Variants in HEATR3 observed in about 807,000 individuals in gnomAD.
The protein encoded by HEATR3 is HEAT repeat containing 3.
A neutral mutation model predicts 72.8 loss-of-function variants in HEATR3; 56 were observed. The observed-to-expected ratio is 0.77, with a 90% CI of 0.62 to 0.96. The LOEUF is 0.96. HEATR3 is among the 40% of genes least tolerant of loss of function. The pLI is 0.00. For missense variants in HEATR3, 747 were observed against 831.4 expected (o/e 0.90, Z 1.25); for synonymous variants, 331 against 318.1 (o/e 1.04, Z -0.43).
At chr16:50,089,192 A>G (rs1015317223) in intron 11 of HEATR3, among the ~76,000 whole-genome samples, 3 of 152,058 alleles carry the variant, frequency 2.0e-5, no homozygotes, top group Non-Finnish European at 4.4e-5. Flanking sequence ...ATAAATTCCC[A>G]TTTCATGTCT....
chr16:50,085,179 G>A (rs1327969692), intron 10 of HEATR3, among the ~76,000 whole-genome samples: 1 of 152,046 alleles, frequency 6.6e-6, no homozygotes, highest in Non-Finnish European at 1.5e-5. Context: ...TGTCAGGGAG[G>A]TGGGATATTA....
At chr16:50,077,956 A>C (rs1339176734) in intron 6 of HEATR3, among the ~76,000 whole-genome samples, 1 of 139,346 alleles carries the variant, frequency 7.2e-6, no homozygotes, top group East Asian at 2.1e-4. Context: ...GGCTCACTGC[A>C]ACCTCTGCCT....
intron 12 of HEATR3, among the ~76,000 whole-genome samples, chr16:50,095,353 C>T (rs1479976602): frequency 2.0e-5 from 3 of 151,432 alleles, no homozygotes; most frequent in Admixed American, 6.6e-5. Context: ...GTGATCCACC[C>T]ACCTTGGCCT....
At chr16:50,104,827 T>TA (rs1399990611) in intron 14 of HEATR3, 112 bp from the exon 15 acceptor site, 2 of 963,290 alleles carry the variant, frequency 2.1e-6, no homozygotes, top group South Asian at 2.0e-5. Context: ...TCCAAATTCT[T>TA]ACAGCTATCT....
At chr16:50,099,490 A>C (rs1316561554) in intron 12 of HEATR3, among the ~76,000 whole-genome samples, 3 of 152,148 alleles carry the variant, frequency 2.0e-5, no homozygotes, top group Non-Finnish European at 4.4e-5. Flanking sequence ...ACGAGTGATA[A>C]GTAGTGAAGC....
Position 50,083,963 on chromosome 16 carries a change from T to C in HEATR3, c.1068T>C (p.Thr356=). Residue 356 remains threonine, a synonymous_variant, in exon 8 of 15, where the codon ACT becomes ACC. Coordinates refer to ENST00000299192, the MANE Select transcript of HEATR3 (RefSeq NM_182922.4). ...CCACTGACAAGGAACTGAGAGAGAC[T>C]ATAGCATTGCTGACAGCCCAACAGA... ...LPPTDKELRE[T]IALLTAQQTA... The C allele has an allele frequency of 6.2e-7, 1 of 1,611,268 alleles. No individual in the cohort carries two copies. The highest frequency in any genetic ancestry group is 8.5e-7 in the Non-Finnish European group (1 of 1,178,292).
chr16:50,091,264 C>G (rs1357483958), intron 11 of HEATR3, among the ~76,000 whole-genome samples: 2 of 151,874 alleles, frequency 1.3e-5, no homozygotes, highest in Non-Finnish European at 2.9e-5. Flanking sequence ...GTCAGGAGTT[C>G]AAGACCAGCC....
intron 4 of HEATR3, among the ~76,000 whole-genome samples, chr16:50,071,442 A>G (rs1043974379): frequency 1.1e-4 from 16 of 152,238 alleles, no homozygotes; most frequent in African/African-American, 3.6e-4. Context: ...TTTTCTGTGC[A>G]CCAGATAACT....
intron 12 of HEATR3, among the ~76,000 whole-genome samples, chr16:50,096,863 T>C (rs997952490): frequency 2.0e-5 from 3 of 152,200 alleles, no homozygotes; most frequent in African/African-American, 7.2e-5. Flanking sequence ...TTAAATCTCT[T>C]AGTCTATAGC....
At chr16:50,076,017 G>GTTT (rs34176576) in intron 6 of HEATR3, among the ~76,000 whole-genome samples, 2 of 148,474 alleles carry the variant, frequency 1.3e-5, no homozygotes. Flanking sequence ...TTTTCCATAA[G>GTTT]TTTTTTTTTT....
At chr16:50,076,042 C>G (rs1035934630) in intron 6 of HEATR3, among the ~76,000 whole-genome samples, 5 of 150,914 alleles carry the variant, frequency 3.3e-5, no homozygotes, top group East Asian at 1.9e-4. Context: ...ACCACCAACT[C>G]TTTTCTCTGC....
chr16:50,100,780 A>G (rs766898487), intron 13 of HEATR3: 14 of 226,546 alleles, frequency 6.2e-5, no homozygotes, highest in Non-Finnish European at 9.5e-5. Context: ...TCTGAAAAAT[A>G]CAACACAGTT....
In HEATR3 at chr16:50,104,946, A is replaced by C; in HGVS notation, c.1928A>C (p.Lys643Thr). 6.3e-7 allele frequency: 1 copy of C among 1,582,438 alleles called. No individual in the cohort carries two copies. Among genetic ancestry groups the C allele is most frequent in the Non-Finnish European group, 8.5e-7 (1 of 1,170,914 alleles). Residue 643 changes from lysine (K) to threonine (T), a missense_variant, in exon 15 of 15, where the codon AAA becomes ACA. Transcript: ENST00000299192. Reference sequence around the variant, plus strand: ...TTTGTTTTTTGTTTGCAGATACGTAAAGAAGGGAGAGGTAACTATAGCACA... The same window carrying C: ...TTTGTTTTTTGTTTGCAGATACGTACAGAAGGGAGAGGTAACTATAGCACA... ...FQPVFKMKIRKEGRGNYSTDQ... is the reference protein window; with the variant it reads ...FQPVFKMKIRTEGRGNYSTDQ...
intron 13 of HEATR3, among the ~76,000 whole-genome samples, chr16:50,102,056 T>G (rs1489301842): frequency 6.6e-6 from 1 of 152,216 alleles, no homozygotes; most frequent in Non-Finnish European, 1.5e-5. Flanking sequence ...TCACTTTATT[T>G]ATGAATATAA....
intron 7 of HEATR3, among the ~76,000 whole-genome samples, chr16:50,079,378 T>C (rs1017435512): frequency 1.3e-5 from 2 of 152,236 alleles, no homozygotes; most frequent in African/African-American, 2.4e-5. Flanking sequence ...ATTTGTACTT[T>C]GCCTGAATTG....
At chr16:50,102,185 A>C in intron 13 of HEATR3, 74 bp from the exon 14 acceptor site, 1 of 1,256,814 alleles carries the variant, frequency 8.0e-7, no homozygotes, top group Non-Finnish European at 1.1e-6. Flanking sequence ...TGCATGAGTT[A>C]TTGCCACATT....
rs570887924 is a variant in HEATR3 at position 50,104,980 on chromosome 16, G to T, written c.1962G>T (p.Leu654=). Residue 654 remains leucine, a synonymous_variant, in exon 15 of 15, where the codon CTG becomes CTT. Transcript: ENST00000299192. The stretch of plus-strand genomic sequence containing the variant: ...GAGGTAACTATAGCACAGATCAGCT[G>T]TGTGTTCTTGACAATGTGAAAATGA... The part of the protein sequence containing the change: ...EGRGNYSTDQ[L]CVLDNVKMNL... 1.2e-6 allele frequency: 2 copies of T among 1,612,710 alleles called. No homozygotes were observed. Among genetic ancestry groups the T allele is most frequent in the East Asian group, 4.5e-5 (2 of 44,824 alleles).
Position 50,066,365 on chromosome 16 carries a change from A to C in HEATR3, c.139-2A>C, listed in dbSNP as rs765340455. 2.6e-6 allele frequency: 4 copies of C among 1,551,848 alleles called. No individual in the cohort carries two copies. In the African/African-American group the frequency reaches 4.3e-5, roughly 16 times the overall value. On this transcript the variant is annotated splice_acceptor_variant, in intron 1 of 14. Coordinates refer to ENST00000299192, the MANE Select transcript of HEATR3 (RefSeq NM_182922.4). LOFTEE classifies it high-confidence loss of function. ...TCTGACCCTTTTCGCTCTCATCCGC[A>C]GCTCCAGCACCCGAGCGCCGAGGTC...
intron 4 of HEATR3, among the ~76,000 whole-genome samples, chr16:50,070,710 A>C (rs1370983273): frequency 2.0e-5 from 3 of 152,152 alleles, no homozygotes; most frequent in Non-Finnish European, 4.4e-5. Flanking sequence ...CTCAAAAAAA[A>C]AAAAGACTTG....
Sources: allele counts gnomAD v4.1 joint callset (sites outside exome capture counted in the v4.1 genomes callset), GRCh38; gene constraint gnomAD v4.1.1; transcripts MANE v1.5; gene names NCBI Gene and HGNC (gene_info 2026-07-23, HGNC 2026-07-21).